PDE9A: variants seen among roughly 807,000 people sequenced by gnomAD.
The protein encoded by PDE9A is phosphodiesterase 9A, also known as high affinity cGMP-specific 3',5'-cyclic phosphodiesterase 9A.
PDE9A carries 60 observed loss-of-function variants against 87.4 expected under a neutral mutation model. That is an observed-to-expected ratio of 0.69 (90% CI 0.56 to 0.85). The LOEUF (loss-of-function observed/expected upper bound fraction) is 0.85. Among genes scored for constraint, PDE9A ranks in the 40% least tolerant of loss-of-function variants. The probability of loss-of-function intolerance (pLI) is 0.00; values close to 1 mark genes in which losing one functional copy is unlikely to be tolerated. For missense variants in PDE9A, 665 were observed against 779.0 expected, an observed-to-expected ratio of 0.85 and a Z score of 1.74; for synonymous variants, 272 against 279.4, an observed-to-expected ratio of 0.97 and a Z score of 0.27.
rs117188810 is a variant in PDE9A, at chr21:42,718,439, A to G, written c.263-13331A>G. Among the ~76,000 whole-genome samples, 188 of 151,778 alleles carry G rather than the reference A, an allele frequency of 1.2e-3. 3 individuals are homozygous for G. The highest frequency in any genetic ancestry group is 2.3e-3 in the Non-Finnish European group (158 of 67,890). ...TTAGAAAGTTTGCTGTTGTCTTTCAAGTGACTGCAGCTTTGCGGTTTTTTA... is the reference window on the plus strand; with the variant it reads ...TTAGAAAGTTTGCTGTTGTCTTTCAGGTGACTGCAGCTTTGCGGTTTTTTA... On this transcript the variant is annotated intron_variant, in intron 4 of 19. Transcript: ENST00000291539.
intron 19 of PDE9A, among the ~76,000 whole-genome samples, chr21:42,773,285 G>T (rs1157448191): frequency 6.7e-6 from 1 of 150,164 alleles, no homozygotes; most frequent in Non-Finnish European, 1.5e-5. Flanking sequence ...AAAAAGTGAG[G>T]CTCTTAAAGA....
intron 4 of PDE9A, among the ~76,000 whole-genome samples, chr21:42,703,971 A>G (rs562378780): frequency 1.2e-4 from 19 of 152,370 alleles, no homozygotes; most frequent in African/African-American, 3.8e-4. Context: ...CCGTCTCTAC[A>G]GAGGGCTGGG....
intron 4 of PDE9A, among the ~76,000 whole-genome samples, chr21:42,706,127 G>A (rs2048810671): frequency 6.6e-6 from 1 of 152,204 alleles, no homozygotes; most frequent in African/African-American, 2.4e-5. Context: ...GGGCAGCCAT[G>A]GAACCCCGGA....
At chr21:42,714,333 G>A (rs6586341) in intron 4 of PDE9A, among the ~76,000 whole-genome samples, 28,815 of 151,994 alleles carry the variant, frequency 0.19, 3,070 homozygotes, top group East Asian at 0.38. Flanking sequence ...TTTATTTTAC[G>A]TACAGATCTA....
intron 1 of PDE9A, among the ~76,000 whole-genome samples, chr21:42,657,740 C>T (rs1245462638): frequency 6.6e-6 from 1 of 152,236 alleles, no homozygotes; most frequent in Non-Finnish European, 1.5e-5. Flanking sequence ...GGTGAGGAGC[C>T]ACATCTGGGC....
chr21:42,722,555 A>G lies in PDE9A; in HGVS notation c.263-9215A>G, dbSNP rs539660844. Among the ~76,000 whole-genome samples the G allele has an allele frequency of 6.6e-6, 1 of 152,272 alleles. No individual in the cohort carries two copies. Among genetic ancestry groups the G allele is most frequent in the Admixed American group, 6.5e-5 (1 of 15,290 alleles). On this transcript the variant is annotated intron_variant, in intron 4 of 19. Transcript: ENST00000291539. The surrounding 1 kb of genome is among the most constrained non-coding windows in gnomAD (Gnocchi z 4.1). Reference sequence around the variant, plus strand: ...CTTGCAGGTCGGTGCTTGGGATGCTAGTGCCCAAGCTGATGTTCCTAGGTC... The same window carrying G: ...CTTGCAGGTCGGTGCTTGGGATGCTGGTGCCCAAGCTGATGTTCCTAGGTC...
chr21:42,663,311 C>T (rs576503004), intron 1 of PDE9A, among the ~76,000 whole-genome samples: 9 of 151,160 alleles, frequency 6.0e-5, no homozygotes, highest in South Asian at 2.1e-4. Flanking sequence ...ACATACACAC[C>T]GCGCACACAT....
chr21:42,733,260 C>T (rs2052025315), intron 6 of PDE9A, 96 bp from the exon 7 acceptor site: 2 of 737,038 alleles, frequency 2.7e-6, no homozygotes, highest in African/African-American at 3.4e-5. Flanking sequence ...CTTGCCCATG[C>T]CCACAGCAGG....
intron 8 of PDE9A, among the ~76,000 whole-genome samples, chr21:42,747,132 T>C (rs899925495): frequency 1.3e-5 from 2 of 152,190 alleles, no homozygotes; most frequent in African/African-American, 4.8e-5. Flanking sequence ...TTCCTGTTTT[T>C]CTATGTAGAA....
chr21:42,736,460 A>C (rs1312107467), intron 7 of PDE9A, among the ~76,000 whole-genome samples: 1 of 152,184 alleles, frequency 6.6e-6, no homozygotes, highest in Non-Finnish European at 1.5e-5. Context: ...GCATCTTCCC[A>C]TAAAACCCTC....
Position 42,762,095 on chromosome 21 carries a change from T to C in PDE9A, c.1098T>C (p.Asn366=). ...HPGYNNTYQI[N]ARTELAVRYN... is the part of the protein sequence containing the mutation. ...CCTTGCCTCCCAGGTACCAGATCAA[T>C]GCCCGCACAGAGCTGGCGGTCCGCT... Residue 366 remains asparagine, a synonymous_variant, in exon 14 of 20, where the codon AAT becomes AAC. Coordinates refer to ENST00000291539, the MANE Select transcript of PDE9A (RefSeq NM_002606.3). The C allele has an allele frequency of 6.2e-7, 1 of 1,613,900 alleles. No individual in the cohort carries two copies. Among genetic ancestry groups the C allele is most frequent in the Non-Finnish European group, 8.5e-7 (1 of 1,179,880 alleles).
In PDE9A at chr21:42,704,433, A is replaced by AACACACACACACAC. The variant is rs34581078; in HGVS notation, c.262+5446_262+5459dup. Among the ~76,000 whole-genome samples the AACACACACACACAC allele has an allele frequency of 0.024, 3,335 of 137,046 alleles. 57 individuals are homozygous for AACACACACACACAC. The highest frequency in any genetic ancestry group is 0.048 in the East Asian group (222 of 4,588). 89.9% of individuals were successfully genotyped at this position (137,046 alleles called of 152,430 possible). A position where few individuals can be genotyped will look rare whatever the true frequency, so the allele number is the denominator to read the frequency against. ...CAGGTAGACCCCCCCCACCCCACCA[A>AACACACACACACAC]ACACACACACACACACACACACACA... is the stretch of plus-strand genomic sequence containing the variant. On this transcript the variant is annotated intron_variant, in intron 4 of 19. Transcript: ENST00000291539. The surrounding 1 kb of genome is among the most constrained non-coding windows in gnomAD (Gnocchi z 5.3).
chr21:42,670,385 TTTACATTCACAA>T (rs879374869), intron 1 of PDE9A, among the ~76,000 whole-genome samples: 14,552 of 108,140 alleles, frequency 0.13, 888 homozygotes, highest in Middle Eastern at 0.2. Context: ...CACATTCACA[TTTACATTCACAA>T]ACATTCACAC....
intron 10 of PDE9A, chr21:42,756,879 T>G (rs1230066077): frequency 1.3e-5 from 2 of 152,414 alleles, no homozygotes; most frequent in East Asian, 1.9e-4. Flanking sequence ...ACAGCCTCTA[T>G]GAAGGCCACA....
intron 4 of PDE9A, among the ~76,000 whole-genome samples, chr21:42,710,024 T>C (rs1387193045): frequency 6.6e-6 from 1 of 152,204 alleles, no homozygotes; most frequent in African/African-American, 2.4e-5. Flanking sequence ...TGGGCATCCT[T>C]GTCCATGATC....
At chr21:42,664,293 T>G (rs558045273) in intron 1 of PDE9A, among the ~76,000 whole-genome samples, 1 of 152,338 alleles carries the variant, frequency 6.6e-6, no homozygotes, top group Non-Finnish European at 1.5e-5. Context: ...ACGGGGCACG[T>G]TGGTCACAAA....
At position 42,775,289 on chromosome 21, in the gene PDE9A, C is replaced by A. The variant is rs772527334; in HGVS notation, c.1778C>A (p.Ala593Asp). 28 of 1,611,010 alleles carry A rather than the reference C, an allele frequency of 1.7e-5. No individual in the cohort carries two copies. Among genetic ancestry groups the A allele is most frequent in the East Asian group, 2.2e-5 (1 of 44,684 alleles). ...RDVKNSEGDC[A>D] ...GTTTCCCTTCTTCCAGGAGACTGTG[C>A]CTGAGGAAAGCGGGGGGCGTGGCTG... Residue 593 changes from alanine to aspartate, a missense_variant, in exon 20 of 20, where the codon GCC becomes GAC. Coordinates refer to ENST00000291539, the MANE Select transcript of PDE9A (RefSeq NM_002606.3).
chr21:42,761,706 C>A (rs2055789167), intron 13 of PDE9A, among the ~76,000 whole-genome samples: 1 of 152,206 alleles, frequency 6.6e-6, no homozygotes, highest in Non-Finnish European at 1.5e-5. Flanking sequence ...GCCGGCACAG[C>A]ACAGGTCAGC....
At chr21:42,755,102 C>T (rs1569252950) in intron 10 of PDE9A, among the ~76,000 whole-genome samples, 1 of 152,354 alleles carries the variant, frequency 6.6e-6, no homozygotes, top group African/African-American at 2.4e-5. Flanking sequence ...TTGCAGACCT[C>T]GGCCTCAGCT....
Sources: allele counts gnomAD v4.1 joint callset (sites outside exome capture counted in the v4.1 genomes callset), GRCh38; gene constraint gnomAD v4.1.1; non-coding constraint Gnocchi (gnomAD v3.1); transcripts MANE v1.5; gene names NCBI Gene and HGNC (gene_info 2026-07-23, HGNC 2026-07-21).